Variants in LOC400499 observed in about 807,000 individuals in gnomAD.
At chr16:11,466,534 G>A in the LOC400499 span, among the ~76,000 whole-genome samples, 1 of 151,824 alleles carries the variant, frequency 6.6e-6, no homozygotes, top group Admixed American at 6.6e-5. Flanking sequence ...GATTACAGGA[G>A]CCTGCCACCA....
chr16:11,495,383 CT>C, the LOC400499 span, among the ~76,000 whole-genome samples: 20,314 of 143,324 alleles, frequency 0.14, 1,728 homozygotes, highest in African/African-American at 0.24. Context: ...ACCAACAAAT[CT>C]TTTTTTTTTT....
the LOC400499 span, among the ~76,000 whole-genome samples, chr16:11,447,360 A>G: frequency 6.6e-6 from 1 of 152,106 alleles, no homozygotes; most frequent in Non-Finnish European, 1.5e-5. Flanking sequence ...ACATGAAACG[A>G]CCACAAGCTC....
chr16:11,410,631 C>T, the LOC400499 span, among the ~76,000 whole-genome samples: 1 of 152,214 alleles, frequency 6.6e-6, no homozygotes, highest in East Asian at 1.9e-4. Flanking sequence ...CCTACCAAAA[C>T]ATGGTGGCTG....
chr16:11,492,172 T>C, the LOC400499 span, among the ~76,000 whole-genome samples: 1 of 152,126 alleles, frequency 6.6e-6, no homozygotes, highest in Non-Finnish European at 1.5e-5. Flanking sequence ...TTAAATGTCT[T>C]GGCCTTCCTA....
the LOC400499 span, among the ~76,000 whole-genome samples, chr16:11,438,651 T>C: frequency 6.8e-6 from 1 of 146,110 alleles, no homozygotes; most frequent in Non-Finnish European, 1.5e-5. Flanking sequence ...TAGCTGGGTG[T>C]TGTGGCAGGT....
At chr16:11,521,402 A>C in the LOC400499 span, among the ~76,000 whole-genome samples, 1 of 152,292 alleles carries the variant, frequency 6.6e-6, no homozygotes, top group East Asian at 1.9e-4. Flanking sequence ...ATCTCAATGA[A>C]AAGAAATCTG....
At chr16:11,387,907 A>C in the LOC400499 span, among the ~76,000 whole-genome samples, 4 of 152,158 alleles carry the variant, frequency 2.6e-5, no homozygotes, top group African/African-American at 9.7e-5. Flanking sequence ...TACAGGTGTG[A>C]GCCACTGTGC....
the LOC400499 span, among the ~76,000 whole-genome samples, chr16:11,398,817 G>A: frequency 2.0e-5 from 3 of 152,006 alleles, no homozygotes; most frequent in African/African-American, 4.8e-5. Context: ...ATGCCACCAC[G>A]CCCAGTTTTT....
the LOC400499 span, among the ~76,000 whole-genome samples, chr16:11,461,505 G>A: frequency 5.0e-3 from 755 of 152,298 alleles, 4 homozygotes; most frequent in African/African-American, 0.017. Flanking sequence ...TCAGGCGTGA[G>A]ACACTGTGCC....
At chr16:11,395,736 GAA>G in the LOC400499 span, among the ~76,000 whole-genome samples, 1 of 152,242 alleles carries the variant, frequency 6.6e-6, no homozygotes, top group Non-Finnish European at 1.5e-5. Flanking sequence ...CTCAGCAAAC[GAA>G]AGTCACGAGG....
the LOC400499 span, among the ~76,000 whole-genome samples, chr16:11,476,184 C>A: frequency 2.0e-5 from 3 of 150,266 alleles, no homozygotes; most frequent in South Asian, 6.4e-4. Context: ...GGGCAGGGAA[C>A]AGGGGCAGAT....
At chr16:11,383,269 G>C in the LOC400499 span, among the ~76,000 whole-genome samples, 2 of 152,038 alleles carry the variant, frequency 1.3e-5, no homozygotes, top group Non-Finnish European at 2.9e-5. Context: ...GGGTTTCACC[G>C]TGTTAGCCAG....
chr16:11,486,078 G>A, the LOC400499 span, among the ~76,000 whole-genome samples: 3 of 149,792 alleles, frequency 2.0e-5, no homozygotes, highest in Non-Finnish European at 2.9e-5. Flanking sequence ...ATGGATGGAT[G>A]TATGGATGGA....
chr16:11,463,641 C>T, the LOC400499 span, among the ~76,000 whole-genome samples: 4 of 151,824 alleles, frequency 2.6e-5, no homozygotes, highest in Admixed American at 6.6e-5. Context: ...TATGTCTACA[C>T]GTGGATTGTG....
chr16:11,460,515 C>T, the LOC400499 span: 18 of 1,533,848 alleles, frequency 1.2e-5, no homozygotes, highest in African/African-American at 8.2e-5. Flanking sequence ...CAGTGGAGCT[C>T]GTGGCGCAGC....
chr16:11,448,166 C>T, the LOC400499 span: 2 of 1,412,664 alleles, frequency 1.4e-6, no homozygotes, highest in Non-Finnish European at 1.9e-6. Context: ...CCCCCCACAA[C>T]CTGCCCATCA....
the LOC400499 span, chr16:11,467,264 T>G: frequency 1.5e-5 from 2 of 130,154 alleles, no homozygotes; most frequent in African/African-American, 6.0e-5. Context: ...CCAAGCTATA[T>G]TTTTGAGTAA....
chr16:11,492,467 G>C, the LOC400499 span, among the ~76,000 whole-genome samples: 1 of 152,192 alleles, frequency 6.6e-6, no homozygotes, highest in South Asian at 2.1e-4. Flanking sequence ...CAGTCAATGA[G>C]ATTAGCATGT....
At chr16:11,384,436 G>A in the LOC400499 span, 1 of 509,146 alleles carries the variant, frequency 2.0e-6, no homozygotes. Context: ...GCACACAGAG[G>A]AGCAGTAGAG....
Sources: allele counts gnomAD v4.1 joint callset (sites outside exome capture counted in the v4.1 genomes callset), GRCh38; gene constraint gnomAD v4.1.1; transcripts MANE v1.5.